SGK3: variants seen among roughly 807,000 people sequenced by gnomAD.
SGK3 encodes the protein serum/glucocorticoid regulated kinase family member 3.
Under a neutral mutation model 68.5 loss-of-function variants are expected in SGK3, and 47 were observed. The ratio of observed to expected loss-of-function variants is 0.69; its 90% CI spans 0.54 to 0.87. The LOEUF (loss-of-function observed/expected upper bound fraction) is 0.87, where lower values mean the gene tolerates loss of function less well. Ranked by LOEUF, SGK3 falls within the 40% of genes least tolerant of loss-of-function variation. The pLI is 0.00. For missense variants in SGK3, 479 were observed against 575.5 expected, an observed-to-expected ratio of 0.83 and a Z score of 1.72; for synonymous variants, 181 against 189.1, an observed-to-expected ratio of 0.96 and a Z score of 0.35.
chr8:66,800,138 G>A (rs1563634216), intron 3 of SGK3, among the ~76,000 whole-genome samples: 1 of 151,796 alleles, frequency 6.6e-6, no homozygotes, highest in Non-Finnish European at 1.5e-5. Flanking sequence ...TCAGGAGATC[G>A]AGACCATCCT....
At chr8:66,833,831 A>G (rs1264959618) in intron 8 of SGK3, among the ~76,000 whole-genome samples, 4 of 152,204 alleles carry the variant, frequency 2.6e-5, no homozygotes, top group Non-Finnish European at 5.9e-5. Flanking sequence ...AGTTGGGATT[A>G]CAGGCGTGTG....
intron 1 of SGK3, among the ~76,000 whole-genome samples, chr8:66,766,231 C>T (rs1400187992): frequency 1.3e-5 from 2 of 151,520 alleles, no homozygotes; most frequent in South Asian, 2.1e-4. Context: ...CTACAAATAT[C>T]AATTAAGTTG....
chr8:66,839,069 C>G (rs1585795179), intron 10 of SGK3, among the ~76,000 whole-genome samples: 2 of 152,024 alleles, frequency 1.3e-5, no homozygotes, highest in South Asian at 4.2e-4. Flanking sequence ...ATAAAGTTAC[C>G]TGGGAAGGGT....
chr8:66,786,620 T>C (rs1807209551), intron 1 of SGK3, among the ~76,000 whole-genome samples: 2 of 152,224 alleles, frequency 1.3e-5, no homozygotes, highest in African/African-American at 4.8e-5. Context: ...AGTTGCATAT[T>C]AACTTGGGCA....
intron 1 of SGK3, chr8:66,768,009 G>A (rs1390707798): frequency 4.0e-6 from 3 of 750,980 alleles, no homozygotes; most frequent in Non-Finnish European, 7.3e-6. Flanking sequence ...TAGCCATTCT[G>A]GATTATTGCC....
At chr8:66,786,584 T>A (rs927622509) in intron 1 of SGK3, among the ~76,000 whole-genome samples, 1 of 152,196 alleles carries the variant, frequency 6.6e-6, no homozygotes, top group Admixed American at 6.5e-5. Flanking sequence ...CAAATTTGCG[T>A]TTGAATTCTA....
intron 7 of SGK3, among the ~76,000 whole-genome samples, chr8:66,830,004 C>T (rs1342792800): frequency 6.6e-6 from 1 of 151,942 alleles, no homozygotes; most frequent in African/African-American, 2.4e-5. Context: ...CCTGGGATTA[C>T]AGGCAGCCAC....
chr8:66,854,774 G>T (rs1810438711), intron 16 of SGK3, among the ~76,000 whole-genome samples: 1 of 152,108 alleles, frequency 6.6e-6, no homozygotes, highest in Non-Finnish European at 1.5e-5. Context: ...TTAACTTCTA[G>T]TGCGTGCCCA....
chr8:66,838,524 A>G lies in SGK3; in HGVS notation c.742-1479A>G, dbSNP rs567654595. On this transcript the variant is annotated intron_variant, in intron 10 of 16. Transcript: ENST00000521198. ...GCCACCTTGTGTCTTTGAAATGTTCATGTGAAGCATCTAAGTGCAGGTGAG... is the reference window on the plus strand; with the variant it reads ...GCCACCTTGTGTCTTTGAAATGTTCGTGTGAAGCATCTAAGTGCAGGTGAG... Among the ~76,000 whole-genome samples the G allele has an allele frequency of 2.0e-5, 3 of 152,070 alleles. No individual in the cohort carries two copies. In the South Asian group the frequency reaches 6.2e-4, roughly 32 times the overall value.
intron 1 of SGK3, among the ~76,000 whole-genome samples, chr8:66,730,760 C>T (rs1805127129): frequency 6.6e-6 from 1 of 152,070 alleles, no homozygotes; most frequent in African/African-American, 2.4e-5. Flanking sequence ...TCACTGCAGC[C>T]TCCCCCTCCC....
chr8:66,787,056 C>T (rs1455508907), intron 1 of SGK3, among the ~76,000 whole-genome samples: 2 of 151,064 alleles, frequency 1.3e-5, no homozygotes, highest in Admixed American at 1.3e-4. Flanking sequence ...CAATTCTCCT[C>T]CCTCAGCCCT....
chr8:66,720,136 T>C (rs1342717194), intron 1 of SGK3, among the ~76,000 whole-genome samples: 1 of 152,208 alleles, frequency 6.6e-6, no homozygotes, highest in Non-Finnish European at 1.5e-5. Flanking sequence ...GTGGATAGAC[T>C]GACAAATCCA....
intron 4 of SGK3, among the ~76,000 whole-genome samples, chr8:66,805,392 G>C (rs538154543): frequency 1.3e-5 from 2 of 151,492 alleles, no homozygotes; most frequent in African/African-American, 4.9e-5. Flanking sequence ...GATGGTGGGC[G>C]CCTGTAGTCC....
Position 66,859,458 on chromosome 8 carries a change from AAC to A in SGK3, c.1370_1371del (p.Thr457SerfsTer10). 6.2e-7 allele frequency: 1 copy of A among 1,611,766 alleles called. No homozygotes were observed. Among genetic ancestry groups the A allele is most frequent in the South Asian group, 1.1e-5 (1 of 90,734 alleles). Reference protein sequence around the residue: ...RNFDTAFTEETVPYSVCVSSD... With the variant: ...RNFDTAFTEEXVPYSVCVSSD... ...ACTTTGACACAGCATTTACAGAAGA[AAC>A]AGTTCCATATTCTGTGTGTGTATCT... On this transcript the variant is annotated frameshift_variant, in exon 17 of 17. Coordinates refer to ENST00000521198, the MANE Select transcript of SGK3 (RefSeq NM_001033578.3). LOFTEE classifies it high-confidence loss of function.
chr8:66,822,823 G>C (rs1330230019), intron 6 of SGK3, among the ~76,000 whole-genome samples: 1 of 152,062 alleles, frequency 6.6e-6, no homozygotes, highest in Non-Finnish European at 1.5e-5. Context: ...ATTTCACCAT[G>C]TTGGTCAGGC....
rs575276329 is a variant in SGK3 at position 66,852,473 on chromosome 8, G to T, written c.1320+1553G>T. 2.6e-5 allele frequency among the ~76,000 whole-genome samples: 4 copies of T among 151,912 alleles called. No individual in the cohort carries two copies. In the South Asian group the frequency reaches 8.3e-4, roughly 32 times the overall value. On this transcript the variant is annotated intron_variant, in intron 16 of 16. Transcript: ENST00000521198. ...ATTTTTGTATTTTTAGTAGAGATGG[G>T]GTTTCACCATGTTGGCCAGATGGTG...
intron 1 of SGK3, among the ~76,000 whole-genome samples, chr8:66,728,671 G>A (rs1251227359): frequency 6.6e-6 from 1 of 152,108 alleles, no homozygotes; most frequent in Non-Finnish European, 1.5e-5. Flanking sequence ...GGGATGCCAA[G>A]GTGGGAGGAT....
intron 1 of SGK3, among the ~76,000 whole-genome samples, chr8:66,740,906 CAAAA>C (rs899256897): frequency 3.5e-4 from 15 of 42,712 alleles, no homozygotes; most frequent in African/African-American, 7.1e-4. Flanking sequence ...GACTCTGTCT[CAAAA>C]AAAAAAAAAA....
chr8:66,791,919 G>A (rs1444172242), intron 1 of SGK3, among the ~76,000 whole-genome samples: 1 of 152,202 alleles, frequency 6.6e-6, no homozygotes, highest in Non-Finnish European at 1.5e-5. Flanking sequence ...CTGGGGCAAA[G>A]CAGCTACTAT....
Sources: allele counts gnomAD v4.1 joint callset (sites outside exome capture counted in the v4.1 genomes callset), GRCh38; gene constraint gnomAD v4.1.1; transcripts MANE v1.5; gene names NCBI Gene and HGNC (gene_info 2026-07-23, HGNC 2026-07-21).